Variants in RAB30 observed in about 807,000 individuals in gnomAD.
RAB30 encodes ras-related protein Rab-30.
A neutral mutation model predicts 25.1 loss-of-function variants in RAB30; 9 were observed. That is an observed-to-expected ratio of 0.36 (90% CI 0.22 to 0.63). RAB30 has a LOEUF of 0.63. Ranked by LOEUF, RAB30 falls within the 20% of genes least tolerant of loss-of-function variation. RAB30 has a pLI of 0.69. For missense variants in RAB30, 140 were observed against 243.5 expected (o/e 0.58, Z 2.83); for synonymous variants, 77 against 86.4 (o/e 0.89, Z 0.60).
At chr11:83,003,218 AATAAG>A (rs1291034942) in intron 1 of RAB30, among the ~76,000 whole-genome samples, 1 of 152,228 alleles carries the variant, frequency 6.6e-6, no homozygotes, top group Non-Finnish European at 1.5e-5. Context: ...GTGAGAGGCA[AATAAG>A]ATAATATATG....
At chr11:82,996,360 C>A (rs1856959131) in intron 2 of RAB30, among the ~76,000 whole-genome samples, 1 of 152,170 alleles carries the variant, frequency 6.6e-6, no homozygotes, top group South Asian at 2.1e-4. Flanking sequence ...GGGGCAGAAC[C>A]AGGACTAAGA....
At chr11:83,031,533 T>C (rs1447670958) in intron 1 of RAB30, among the ~76,000 whole-genome samples, 1 of 17,246 alleles carries the variant, frequency 5.8e-5, no homozygotes, top group Non-Finnish European at 9.5e-5. Flanking sequence ...TTTTTTTTTC[T>C]TTTTTTTTTT....
chr11:83,038,482 G>A (rs1299875159), intron 1 of RAB30, among the ~76,000 whole-genome samples: 2 of 152,148 alleles, frequency 1.3e-5, no homozygotes, highest in East Asian at 3.9e-4. Context: ...ACCTCAAGAT[G>A]TTTACTGTGA....
In RAB30 at chr11:82,989,642, G is replaced by T. The variant is rs17144459; in HGVS notation, c.178-1872C>A. Among the ~76,000 whole-genome samples the T allele has an allele frequency of 6.6e-3, 1,007 of 152,346 alleles. 10 individuals carry two copies. Among genetic ancestry groups the T allele is most frequent in the African/African-American group, 0.023 (963 of 41,560 alleles). ...GTGATTGCGATTTAGGAACTGTTCA[G>T]TATTAGAAATCAGTGTGTTCCCACA... On this transcript the variant is annotated intron_variant, in intron 3 of 4. Transcript: ENST00000527633.
intron 2 of RAB30, 57 bp downstream of exon 2, chr11:82,997,167 A>G: frequency 2.8e-6 from 4 of 1,434,074 alleles, no homozygotes; most frequent in Non-Finnish European, 9.8e-7. Context: ...CCAACCCCTC[A>G]GGCTAGACTG....
chr11:83,014,561 G>C (rs1857372433), intron 1 of RAB30, among the ~76,000 whole-genome samples: 1 of 151,344 alleles, frequency 6.6e-6, no homozygotes, highest in African/African-American at 2.4e-5. Context: ...AAAGGAAAGA[G>C]AGACAGGGGG....
At chr11:83,003,780 A>AT (rs1857134048) in intron 1 of RAB30, among the ~76,000 whole-genome samples, 1 of 151,870 alleles carries the variant, frequency 6.6e-6, no homozygotes, top group Non-Finnish European at 1.5e-5. Context: ...AAATTTGTTA[A>AT]TTTAAAAAAA....
intron 1 of RAB30, among the ~76,000 whole-genome samples, chr11:83,017,358 G>A (rs190915746): frequency 9.9e-5 from 15 of 152,088 alleles, no homozygotes; most frequent in African/African-American, 3.6e-4. Context: ...TAATAATGTA[G>A]CAAAGAGATT....
At chr11:83,036,712 G>C (rs12292938) in intron 1 of RAB30, among the ~76,000 whole-genome samples, 4,362 of 152,260 alleles carry the variant, frequency 0.029, 188 homozygotes, top group African/African-American at 0.091. Context: ...ATGGGATCAG[G>C]CCTCTCTGAG....
intron 1 of RAB30, among the ~76,000 whole-genome samples, chr11:83,064,766 C>T (rs7102979): frequency 0.024 from 3,616 of 152,242 alleles, 139 homozygotes; most frequent in African/African-American, 0.083. Context: ...ATATCTACAA[C>T]GTGTCAGGTT....
At chr11:82,985,304 A>G (rs1256267138) in intron 4 of RAB30, among the ~76,000 whole-genome samples, 1 of 152,208 alleles carries the variant, frequency 6.6e-6, no homozygotes, top group Non-Finnish European at 1.5e-5. Context: ...TAATAATATT[A>G]CAAATATAAA....
intron 1 of RAB30, among the ~76,000 whole-genome samples, chr11:83,014,668 AAGAAAGAAAGAAAGAAAG>A (rs1334877662): frequency 6.7e-6 from 1 of 149,892 alleles, no homozygotes; most frequent in African/African-American, 2.5e-5. Flanking sequence ...GAAAGAAAGA[AAGAAAGAAAGAAAGAAAG>A]AAAGAAAGAG....
At chr11:82,989,605 C>T (rs796991006) in intron 3 of RAB30, among the ~76,000 whole-genome samples, 5 of 152,324 alleles carry the variant, frequency 3.3e-5, no homozygotes, top group African/African-American at 9.6e-5. Context: ...GCACTGAGCC[C>T]CTAAAACACT....
chr11:83,025,524 G>T (rs927118311), intron 1 of RAB30, among the ~76,000 whole-genome samples: 3 of 152,186 alleles, frequency 2.0e-5, no homozygotes, highest in Non-Finnish European at 4.4e-5. Context: ...GAAGGAAAGG[G>T]GCACTGCAGC....
At chr11:82,991,479 C>A (rs1453784806) in intron 3 of RAB30, among the ~76,000 whole-genome samples, 2 of 141,204 alleles carry the variant, frequency 1.4e-5, no homozygotes, top group African/African-American at 2.7e-5. Flanking sequence ...TGCACTCCAG[C>A]CTAGGCAACA....
At chr11:83,007,019 C>A (rs1282952223) in intron 1 of RAB30, among the ~76,000 whole-genome samples, 2 of 152,246 alleles carry the variant, frequency 1.3e-5, no homozygotes, top group African/African-American at 4.8e-5. Context: ...TCTCACTTCA[C>A]TCTGACACAG....
At position 82,976,139 on chromosome 11, in the gene RAB30, AT is replaced by A. The variant is rs1259926625; in HGVS notation, c.*6025del. The A allele has an allele frequency of 6.6e-6, 1 of 152,172 alleles. No homozygotes were observed. The highest frequency in any genetic ancestry group is 1.5e-5 in the Non-Finnish European group (1 of 68,020). The allele number at this position is 152,172 out of a possible 1,614,324, so 9.4% of individuals were successfully genotyped here. ...GCAAAAGGATGGATCAGACAAATGA[AT>A]TCCTTTTAAGGCACCCTTTCAGAAA... On this transcript the variant is annotated 3_prime_UTR_variant, in exon 5 of 5. Transcript: ENST00000527633.
Position 82,978,417 on chromosome 11 carries a change from G to T in RAB30, c.*3748C>A, listed in dbSNP as rs376302004. ...ATTTCCTCACAGTTCAAAAAGTTCT[G>T]CCCACCTTGATTAACTTGTTTTCTG... On this transcript the variant is annotated 3_prime_UTR_variant, in exon 5 of 5. Coordinates refer to ENST00000527633, the MANE Select transcript of RAB30 (RefSeq NM_001286060.2). 3 of 150,742 alleles carry T rather than the reference G, an allele frequency of 2.0e-5. No individual in the cohort carries two copies. The highest frequency in any genetic ancestry group is 3.9e-4 in the East Asian group (2 of 5,128). The allele number at this position is 150,742 out of a possible 1,614,324, so 9.3% of individuals were successfully genotyped here.
At chr11:82,987,905 T>TAAAGAAAAA in intron 3 of RAB30, 135 bp from the exon 4 acceptor site, 1 of 35,306 alleles carries the variant, frequency 2.8e-5, no homozygotes. Context: ...TTTTCTGCCC[T>TAAAGAAAAA]AAAAAAAAAA....
Sources: allele counts gnomAD v4.1 joint callset (sites outside exome capture counted in the v4.1 genomes callset), GRCh38; gene constraint gnomAD v4.1.1; transcripts MANE v1.5; gene names NCBI Gene and HGNC (gene_info 2026-07-23, HGNC 2026-07-21).